The following R3HDM1 variants were observed in gnomAD, a reference collection of about 807,000 sequenced individuals.
R3HDM1 encodes the protein R3H domain-containing protein 1.
Under a neutral mutation model 141.1 loss-of-function variants are expected in R3HDM1, and 46 were observed. The observed-to-expected ratio is 0.33, with a 90% CI of 0.26 to 0.42. The LOEUF is 0.42. R3HDM1 is among the 10% of genes least tolerant of loss of function. The pLI, the probability that R3HDM1 is intolerant of heterozygous loss-of-function variation, is 1.00. For missense variants in R3HDM1, 1,184 were observed against 1,368.3 expected, an observed-to-expected ratio of 0.87 and a Z score of 2.12; for synonymous variants, 435 against 472.9, an observed-to-expected ratio of 0.92 and a Z score of 1.04.
chr2:135,708,896 T>C (rs1045713548), intron 21 of R3HDM1, among the ~76,000 whole-genome samples: 1 of 146,354 alleles, frequency 6.8e-6, no homozygotes, highest in African/African-American at 2.5e-5. Context: ...GAGGCAGAGG[T>C]TGCAGTGAAC....
At chr2:135,591,023 T>A (rs976959366) in intron 1 of R3HDM1, among the ~76,000 whole-genome samples, 1 of 152,172 alleles carries the variant, frequency 6.6e-6, no homozygotes, top group African/African-American at 2.4e-5. Context: ...GTTATGAAAC[T>A]GAATGTCTAC....
chr2:135,634,867 TTATAA>T (rs1162914515), intron 9 of R3HDM1, among the ~76,000 whole-genome samples: 1 of 152,230 alleles, frequency 6.6e-6, no homozygotes, highest in East Asian at 1.9e-4. Context: ...AATTCCAGTT[TTATAA>T]TAGAATGATA....
chr2:135,687,403 T>C (rs1302262235), intron 21 of R3HDM1, among the ~76,000 whole-genome samples: 2 of 152,180 alleles, frequency 1.3e-5, no homozygotes, highest in Non-Finnish European at 2.9e-5. Flanking sequence ...ATTAAAAGGG[T>C]AGCTCTCGTG....
At chr2:135,561,559 A>C (rs1349383094) in intron 1 of R3HDM1, among the ~76,000 whole-genome samples, 1 of 152,116 alleles carries the variant, frequency 6.6e-6, no homozygotes, top group Admixed American at 6.6e-5. Context: ...TCCACTAAAA[A>C]TATAAAAAAT....
At chr2:135,720,627 A>G (rs1191130451) in intron 24 of R3HDM1, among the ~76,000 whole-genome samples, 3 of 152,194 alleles carry the variant, frequency 2.0e-5, no homozygotes, top group Non-Finnish European at 4.4e-5. Flanking sequence ...TAGGAAGGGA[A>G]TACTTACGAA....
intron 3 of R3HDM1, chr2:135,607,313 C>T: frequency 1.0e-6 from 1 of 985,298 alleles, no homozygotes; most frequent in South Asian, 4.7e-5. Flanking sequence ...AAGGTTTTCT[C>T]ATTCTTTTGT....
intron 1 of R3HDM1, among the ~76,000 whole-genome samples, chr2:135,537,676 A>ATTTTATTTTATTTTATTTT (rs1559078657): frequency 7.2e-6 from 1 of 138,506 alleles, no homozygotes; most frequent in African/African-American, 2.9e-5. Flanking sequence ...ATTTTATTTT[A>ATTTTATTTTATTTTATTTT]CTTAGAGTCT....
intron 21 of R3HDM1, among the ~76,000 whole-genome samples, chr2:135,703,960 C>A (rs1313244103): frequency 1.3e-5 from 2 of 152,130 alleles, no homozygotes; most frequent in African/African-American, 2.4e-5. Context: ...ATCTGACCTG[C>A]AAATGAATTG....
intron 18 of R3HDM1, among the ~76,000 whole-genome samples, chr2:135,658,131 G>A (rs551190011): frequency 4.6e-5 from 7 of 152,270 alleles, no homozygotes; most frequent in African/African-American, 1.4e-4. Flanking sequence ...AAAAGGTACA[G>A]TAAAAATATG....
intron 15 of R3HDM1, 29 bp from the exon 16 acceptor site, chr2:135,645,350 A>AT: frequency 2.6e-6 from 4 of 1,561,278 alleles, no homozygotes; most frequent in Non-Finnish European, 3.5e-6. Context: ...ATTCTAAGTT[A>AT]TTTTTTTCCC....
At chr2:135,606,246 A>G (rs2060036447) in intron 3 of R3HDM1, 1 of 152,168 alleles carries the variant, frequency 6.6e-6, no homozygotes, top group Non-Finnish European at 1.5e-5. Context: ...AAGTAGTCAG[A>G]CTTCTTATGT....
intron 21 of R3HDM1, among the ~76,000 whole-genome samples, chr2:135,702,686 G>A (rs2074395030): frequency 6.6e-6 from 1 of 151,064 alleles, no homozygotes; most frequent in Admixed American, 6.6e-5. Context: ...GCATGGTGAT[G>A]TGTGCCTGTA....
intron 19 of R3HDM1, among the ~76,000 whole-genome samples, chr2:135,666,177 T>C (rs2067465214): frequency 6.6e-6 from 1 of 152,168 alleles, no homozygotes; most frequent in Non-Finnish European, 1.5e-5. Flanking sequence ...GTGTGCATAT[T>C]GTTGACAGAA....
chr2:135,569,628 C>T (rs1185492877), intron 1 of R3HDM1, among the ~76,000 whole-genome samples: 1 of 152,130 alleles, frequency 6.6e-6, no homozygotes, highest in Non-Finnish European at 1.5e-5. Flanking sequence ...GTTAACCTAT[C>T]TGTCTCAGTT....
At chr2:135,630,306 A>C (rs1453518852) in intron 7 of R3HDM1, among the ~76,000 whole-genome samples, 1 of 147,274 alleles carries the variant, frequency 6.8e-6, no homozygotes, top group Non-Finnish European at 1.5e-5. Flanking sequence ...AAAAAAAAAA[A>C]AACAAAAAAA....
intron 21 of R3HDM1, among the ~76,000 whole-genome samples, chr2:135,704,541 G>A (rs908819882): frequency 2.0e-5 from 3 of 150,794 alleles, no homozygotes; most frequent in African/African-American, 7.3e-5. Flanking sequence ...TGCCATCTCG[G>A]CTCACTGCAA....
rs2064288826 is a variant in R3HDM1 at position 135,645,415 on chromosome 2, T to C, written c.1511T>C (p.Val504Ala). The stretch of plus-strand genomic sequence containing the variant: ...ATAAACCCAGATGGGAGTCCAGTTG[T>C]GTATAATCCTCCTATGACTCAACAA... ...PFINPDGSPV[V>A]YNPPMTQQPV... Residue 504 changes from valine (V) to alanine (A), a missense_variant, in exon 16 of 27, where the codon GTG (valine) becomes GCG (alanine). Coordinates refer to ENST00000683871, the MANE Select transcript of R3HDM1 (RefSeq NM_001378107.1). The C allele has an allele frequency of 1.2e-6, 2 of 1,612,506 alleles. No homozygotes were observed. Among genetic ancestry groups the C allele is most frequent in the African/African-American group, 2.7e-5 (2 of 74,860 alleles).
chr2:135,722,015 G>A lies in R3HDM1; in HGVS notation c.2964+9G>A. 6.2e-7 allele frequency: 1 copy of A among 1,606,786 alleles called. No individual in the cohort carries two copies. The highest frequency in any genetic ancestry group is 8.5e-7 in the Non-Finnish European group (1 of 1,173,260). ...ACATTCCAAACCAACAGGTAGGAAA[G>A]ACAACTAACCTCCTAGGCTTTGTTG... On this transcript the variant is annotated intron_variant, in intron 25 of 26. Coordinates refer to ENST00000683871, the MANE Select transcript of R3HDM1 (RefSeq NM_001378107.1).
chr2:135,541,905 G>A (rs1697659837), intron 1 of R3HDM1, among the ~76,000 whole-genome samples: 1 of 150,504 alleles, frequency 6.6e-6, no homozygotes, highest in South Asian at 2.1e-4. Flanking sequence ...TGTCTCTGAA[G>A]TGCATATAGG....
Sources: allele counts gnomAD v4.1 joint callset (sites outside exome capture counted in the v4.1 genomes callset), GRCh38; gene constraint gnomAD v4.1.1; transcripts MANE v1.5; gene names NCBI Gene and HGNC (gene_info 2026-07-23, HGNC 2026-07-21).